The following SUGCT variants were observed in gnomAD, a reference collection of about 807,000 sequenced individuals.
SUGCT encodes succinyl-CoA:glutarate CoA-transferase.
In SUGCT, 41 loss-of-function variants were observed where a neutral mutation model predicts 55.0. That is an observed-to-expected ratio of 0.74 (90% confidence interval 0.58 to 0.97). The LOEUF (loss-of-function observed/expected upper bound fraction) is 0.97, where lower values mean the gene tolerates loss of function less well. SUGCT is among the 50% of genes least tolerant of loss of function. The pLI is 0.00. For missense variants in SUGCT, 568 were observed against 547.8 expected (o/e 1.04, Z -0.37); for synonymous variants, 187 against 200.4 (o/e 0.93, Z 0.56).
At chr7:40,978,735 C>CTAT in the SUGCT span, among the ~76,000 whole-genome samples, 1 of 152,110 alleles carries the variant, frequency 6.6e-6, no homozygotes, top group Non-Finnish European at 1.5e-5. Flanking sequence ...GTGTCAAGGC[C>CTAT]ATGAGGCAGA....
chr7:40,481,080 T>TGAGGTGGGAGGATTGCTTG (rs1791007465), intron 11 of SUGCT, among the ~76,000 whole-genome samples: 1 of 152,108 alleles, frequency 6.6e-6, no homozygotes, highest in Admixed American at 6.6e-5. Flanking sequence ...TTTGGGAGGT[T>TGAGGTGGGAGGATTGCTTG]GAGGTGGGAG....
intron 9 of SUGCT, among the ~76,000 whole-genome samples, chr7:40,323,408 T>A (rs1256364867): frequency 6.6e-6 from 1 of 152,180 alleles, no homozygotes; most frequent in African/African-American, 2.4e-5. Context: ...TTATTATCAT[T>A]ATTTTTTTAG....
At chr7:40,918,266 G>T in the SUGCT span, among the ~76,000 whole-genome samples, 5 of 152,028 alleles carry the variant, frequency 3.3e-5, no homozygotes, top group East Asian at 1.9e-4. Flanking sequence ...TTTGAGACCA[G>T]CCTGACCAAC....
chr7:41,025,177 G>A, the SUGCT span, among the ~76,000 whole-genome samples: 1 of 152,138 alleles, frequency 6.6e-6, no homozygotes, highest in Non-Finnish European at 1.5e-5. Flanking sequence ...TTAATTCTGT[G>A]ATAAAAAGGA....
In SUGCT at chr7:40,276,280, T is replaced by C. The variant is rs554021605; in HGVS notation, c.720+1624T>C. Among the ~76,000 whole-genome samples, 18 of 152,218 alleles carry C rather than the reference T, an allele frequency of 1.2e-4. No homozygotes were observed. The South Asian group carries it at 3.7e-3, about 32-fold the overall frequency. On this transcript the variant is annotated intron_variant, in intron 8 of 13. Coordinates refer to ENST00000335693, the MANE Select transcript of SUGCT (RefSeq NM_001193313.2). The stretch of plus-strand genomic sequence containing the variant: ...GTTAGTTATGGGAGGGTGCAGAAAG[T>C]CTTTTCTTCCTCTAATTTTAAGCTG...
Position 40,860,332 on chromosome 7 carries a change from C to T in SUGCT, c.1170C>T (p.Tyr390=), listed in dbSNP as rs895652834. Reference sequence around the variant, plus strand: ...CTTTGGCAGGCCCAGCTGTGAGATACAGTAAGTTCAAGATGTCAGAGGCCA... The same window carrying T: ...CTTTGGCAGGCCCAGCTGTGAGATATAGTAAGTTCAAGATGTCAGAGGCCA... ...KISVPGPAVR[Y]SKFKMSEARP... is the part of the protein sequence containing the mutation. The change falls in exon 14 of 14, where the codon TAC becomes TAT. Residue 390 remains tyrosine (Y), a synonymous_variant. Coordinates refer to ENST00000335693, the MANE Select transcript of SUGCT (RefSeq NM_001193313.2). 1.9e-6 allele frequency: 3 copies of T among 1,613,974 alleles called. No individual in the cohort carries two copies. Among genetic ancestry groups the T allele is most frequent in the South Asian group, 2.2e-5 (2 of 91,082 alleles).
At chr7:40,736,101 C>A (rs904837086) in intron 12 of SUGCT, among the ~76,000 whole-genome samples, 1 of 151,072 alleles carries the variant, frequency 6.6e-6, no homozygotes, top group African/African-American at 2.4e-5. Context: ...CACACACACA[C>A]ATAGGAAATA....
At chr7:40,448,924 ATGTGTGTGTGTGTG>A (rs778913706) in intron 9 of SUGCT, among the ~76,000 whole-genome samples, 1 of 145,114 alleles carries the variant, frequency 6.9e-6, no homozygotes, top group African/African-American at 2.5e-5. Flanking sequence ...GTGTGTATAT[ATGTGTGTGTGTGTG>A]TGTGTGTGTG....
intron 12 of SUGCT, among the ~76,000 whole-genome samples, chr7:40,644,759 T>A (rs1325117181): frequency 6.6e-6 from 1 of 152,186 alleles, no homozygotes; most frequent in African/African-American, 2.4e-5. Flanking sequence ...CTGTCATTCC[T>A]CGTCTCCTCA....
chr7:40,934,654 G>C, the SUGCT span, among the ~76,000 whole-genome samples: 1 of 100,280 alleles, frequency 1.0e-5, no homozygotes, highest in Admixed American at 1.2e-4. Flanking sequence ...AATGGTGGAC[G>C]CCCCTCCCTC....
In SUGCT at chr7:40,469,885, C is replaced by T. The variant is rs186344337; in HGVS notation, c.986+10687C>T. Reference sequence around the variant, plus strand: ...CCCTGGATAAAACATTTAATACCCTCGTTTCTCCTTTGGAACTTAATGTGT... The same window carrying T: ...CCCTGGATAAAACATTTAATACCCTTGTTTCTCCTTTGGAACTTAATGTGT... On this transcript the variant is annotated intron_variant, in intron 11 of 13. Coordinates refer to ENST00000335693, the MANE Select transcript of SUGCT (RefSeq NM_001193313.2). Among the ~76,000 whole-genome samples, 457 of 152,138 alleles carry T rather than the reference C, an allele frequency of 3.0e-3. 2 individuals carry two copies. The highest frequency in any genetic ancestry group is 6.8e-3 in the Middle Eastern group (2 of 294).
intron 9 of SUGCT, among the ~76,000 whole-genome samples, chr7:40,394,982 T>C (rs1054845827): frequency 2.6e-5 from 4 of 152,244 alleles, no homozygotes; most frequent in African/African-American, 9.6e-5. Context: ...AGAAAGCTTT[T>C]ATTTATGGAC....
intron 1 of SUGCT, among the ~76,000 whole-genome samples, chr7:40,154,846 A>G (rs1162824389): frequency 6.6e-6 from 1 of 152,220 alleles, no homozygotes; most frequent in Non-Finnish European, 1.5e-5. Flanking sequence ...GTCCTATAGG[A>G]AAGTTTACCA....
chr7:40,635,654 G>C (rs1799992374), intron 12 of SUGCT, among the ~76,000 whole-genome samples: 1 of 152,182 alleles, frequency 6.6e-6, no homozygotes, highest in Non-Finnish European at 1.5e-5. Context: ...GTTGTTGCCA[G>C]AACAGAATCT....
Position 40,249,341 on chromosome 7 carries a change from A to ATATATATATATATATATATG in SUGCT, c.576+11621_576+11622insTATATATATATATGTATATA, listed in dbSNP as rs1192387768. On this transcript the variant is annotated intron_variant, in intron 7 of 13. Transcript: ENST00000335693. ...TATATATATATATATATATATATAT[A>ATATATATATATATATATATG]TATATAATTATATTATATAGAATAT... Among the ~76,000 whole-genome samples, 34 of 131,588 alleles carry ATATATATATATATATATATG rather than the reference A, an allele frequency of 2.6e-4. 1 individual carries two copies. Among genetic ancestry groups the ATATATATATATATATATATG allele is most frequent in the Non-Finnish European group, 4.0e-4 (25 of 63,008 alleles). 86.3% of individuals were successfully genotyped at this position (131,588 alleles called of 152,430 possible).
chr7:40,496,119 C>T (rs180830737), intron 11 of SUGCT, among the ~76,000 whole-genome samples, 165 bp from the exon 12 acceptor site: 17 of 152,284 alleles, frequency 1.1e-4, no homozygotes, highest in Admixed American at 2.6e-4. Context: ...CACAGGGCCA[C>T]TCAAGTCATT....
chr7:40,485,925 G>C (rs1046900374), intron 11 of SUGCT, among the ~76,000 whole-genome samples: 2 of 152,050 alleles, frequency 1.3e-5, no homozygotes, highest in Admixed American at 1.3e-4. Flanking sequence ...CTAGTATTTT[G>C]TTGAGGACTT....
intron 8 of SUGCT, among the ~76,000 whole-genome samples, chr7:40,310,374 A>G (rs1385577656): frequency 6.6e-6 from 1 of 152,242 alleles, no homozygotes; most frequent in Non-Finnish European, 1.5e-5. Context: ...TCACAGCGAA[A>G]AGGAGCCAGG....
intron 3 of SUGCT, among the ~76,000 whole-genome samples, chr7:40,185,615 C>T (rs1030399839): frequency 6.6e-6 from 1 of 152,172 alleles, no homozygotes; most frequent in African/African-American, 2.4e-5. Context: ...CTCTACCTCC[C>T]AGGTTCAAAT....
Sources: gnomAD v4.1 joint callset for allele counts (sites outside exome capture counted in the v4.1 genomes callset) on GRCh38, gnomAD v4.1.1 for gene constraint, MANE v1.5 for transcripts, NCBI Gene and HGNC (gene_info 2026-07-23, HGNC 2026-07-21) for gene names.